The following TRAPPC9 variants were observed in gnomAD, a reference collection of about 807,000 sequenced individuals.
TRAPPC9 encodes trafficking protein particle complex subunit 9.
In TRAPPC9, 83 loss-of-function variants were observed where a neutral mutation model predicts 124.0. That is an observed-to-expected ratio of 0.67 (90% CI 0.56 to 0.80). TRAPPC9 has a LOEUF of 0.80. Among genes scored for constraint, TRAPPC9 ranks in the 30% least tolerant of loss-of-function variants. The pLI, the probability that TRAPPC9 is intolerant of heterozygous loss-of-function variation, is 0.00. For synonymous variants in TRAPPC9, 638 were observed against 617.5 expected (o/e 1.03, Z -0.49); for missense variants, 1,302 against 1,508.3 (o/e 0.86, Z 2.27).
intron 16 of TRAPPC9, among the ~76,000 whole-genome samples, chr8:140,236,453 A>G (rs904410235): frequency 7.9e-5 from 12 of 152,238 alleles, no homozygotes; most frequent in Non-Finnish European, 1.2e-4. Context: ...ATAATTGACA[A>G]TTATCTTTGT....
Position 139,857,335 on chromosome 8 carries a change from A to G in TRAPPC9, c.3055+28544T>C, listed in dbSNP as rs190266662. ...TTGCAGGGGAAGGCCTGTCCCATGGAGGCAAGGCGAGGCATAGCAATATTT... is the reference window on the plus strand; with the variant it reads ...TTGCAGGGGAAGGCCTGTCCCATGGGGGCAAGGCGAGGCATAGCAATATTT... On this transcript the variant is annotated intron_variant, in intron 21 of 22. Transcript: ENST00000438773. Among the ~76,000 whole-genome samples, 3 of 152,310 alleles carry G rather than the reference A, an allele frequency of 2.0e-5. No individual in the cohort carries two copies. In the East Asian group the frequency reaches 5.8e-4, roughly 29 times the overall value.
At chr8:139,972,277 C>T (rs1047666701) in intron 19 of TRAPPC9, among the ~76,000 whole-genome samples, 1 of 152,182 alleles carries the variant, frequency 6.6e-6, no homozygotes, top group Non-Finnish European at 1.5e-5. Flanking sequence ...TTATAAAATG[C>T]CCATGGCCCA....
intron 2 of TRAPPC9, among the ~76,000 whole-genome samples, chr8:140,445,606 G>A (rs1403230787): frequency 1.3e-5 from 2 of 152,188 alleles, no homozygotes; most frequent in African/African-American, 2.4e-5. Context: ...CACAACCCAG[G>A]GTTAAACCAG....
chr8:139,921,044 C>T (rs528343284), intron 19 of TRAPPC9, among the ~76,000 whole-genome samples: 1 of 152,318 alleles, frequency 6.6e-6, no homozygotes, highest in East Asian at 1.9e-4. Flanking sequence ...GGCCACCCTG[C>T]CAAGCAAGCG....
intron 7 of TRAPPC9, among the ~76,000 whole-genome samples, chr8:140,395,647 C>T (rs78698692): frequency 6.6e-6 from 1 of 152,218 alleles, no homozygotes; most frequent in South Asian, 2.1e-4. Flanking sequence ...GTAGTCAATG[C>T]GGCAACATTT....
At chr8:140,445,845 G>A (rs2071230994) in intron 2 of TRAPPC9, among the ~76,000 whole-genome samples, 1 of 152,244 alleles carries the variant, frequency 6.6e-6, no homozygotes, top group Admixed American at 6.5e-5. Context: ...GTGGCAGCAG[G>A]TCACAGAGCG....
intron 21 of TRAPPC9, among the ~76,000 whole-genome samples, chr8:139,791,704 C>A (rs937276706): frequency 1.3e-5 from 2 of 152,216 alleles, no homozygotes; most frequent in African/African-American, 2.4e-5. Flanking sequence ...ACAGTCAAGG[C>A]AGGGCAGCAT....
chr8:139,971,113 G>A lies in TRAPPC9; in HGVS notation c.2810+17613C>T, dbSNP rs367580703. 2.9e-3 allele frequency among the ~76,000 whole-genome samples: 439 copies of A among 151,982 alleles called. 3 individuals carry two copies. The highest frequency in any genetic ancestry group is 8.1e-3 in the African/African-American group (334 of 41,438). ...AGGCCCAGCCACTGCAACCCACCCCGAGATCAGCACCCAGGCTCCCGCCAG... is the reference window on the plus strand; with the variant it reads ...AGGCCCAGCCACTGCAACCCACCCCAAGATCAGCACCCAGGCTCCCGCCAG... On this transcript the variant is annotated intron_variant, in intron 19 of 22. Coordinates refer to ENST00000438773, the MANE Select transcript of TRAPPC9 (RefSeq NM_001160372.4).
At chr8:139,734,982 G>C (rs977561900) in intron 21 of TRAPPC9, among the ~76,000 whole-genome samples, 1 of 152,232 alleles carries the variant, frequency 6.6e-6, no homozygotes, top group Non-Finnish European at 1.5e-5. Flanking sequence ...CACCTGCACT[G>C]AGTCTGACCA....
intron 19 of TRAPPC9, among the ~76,000 whole-genome samples, chr8:139,956,033 G>A (rs898434757): frequency 3.9e-5 from 6 of 152,232 alleles, no homozygotes; most frequent in African/African-American, 1.2e-4. Context: ...GTTAGCACGC[G>A]GAGACCTGAC....
chr8:139,785,578 A>ACACACACAC, intron 21 of TRAPPC9, among the ~76,000 whole-genome samples: 4 of 148,966 alleles, frequency 2.7e-5, no homozygotes, highest in Non-Finnish European at 4.4e-5. Flanking sequence ...ACACACACAC[A>ACACACACAC]ATTAGCTGGG....
intron 17 of TRAPPC9, among the ~76,000 whole-genome samples, chr8:140,190,611 C>T (rs778792112): frequency 1.3e-5 from 2 of 152,194 alleles, no homozygotes; most frequent in Non-Finnish European, 2.9e-5. Context: ...CCAGATCTTA[C>T]TTGAGAAAAG....
intron 17 of TRAPPC9, among the ~76,000 whole-genome samples, chr8:140,132,467 G>C (rs1199414300): frequency 1.3e-5 from 2 of 152,086 alleles, no homozygotes; most frequent in African/African-American, 2.4e-5. Flanking sequence ...CATCTTCCCT[G>C]TTTCCACTGT....
chr8:139,940,517 T>C (rs1325267189), intron 19 of TRAPPC9, among the ~76,000 whole-genome samples: 3 of 152,228 alleles, frequency 2.0e-5, no homozygotes, highest in Admixed American at 6.5e-5. Flanking sequence ...AGCTAGAGTA[T>C]ATCTGCTCCC....
At chr8:140,436,507 T>C (rs1300493641) in intron 3 of TRAPPC9, among the ~76,000 whole-genome samples, 2 of 152,238 alleles carry the variant, frequency 1.3e-5, no homozygotes, top group Admixed American at 1.3e-4. Context: ...CAGCTGGATC[T>C]TCTATCAGCT....
intron 17 of TRAPPC9, among the ~76,000 whole-genome samples, chr8:140,165,750 A>C (rs948957727): frequency 1.1e-4 from 16 of 152,088 alleles, no homozygotes; most frequent in African/African-American, 3.6e-4. Flanking sequence ...GATTATCTGC[A>C]AGGCAGGAGC....
At chr8:140,118,257 G>C (rs970881763) in intron 17 of TRAPPC9, among the ~76,000 whole-genome samples, 2 of 152,202 alleles carry the variant, frequency 1.3e-5, no homozygotes, top group African/African-American at 4.8e-5. Context: ...GGAAGTTCAA[G>C]TAAGTCCAGC....
intron 17 of TRAPPC9, among the ~76,000 whole-genome samples, chr8:140,169,969 C>G (rs1206180939): frequency 6.6e-6 from 1 of 152,192 alleles, no homozygotes; most frequent in Non-Finnish European, 1.5e-5. Context: ...AACTCCTGGA[C>G]TCAAGAATTC....
chr8:139,814,643 G>T (rs116618559), intron 21 of TRAPPC9, among the ~76,000 whole-genome samples: 1,620 of 152,212 alleles, frequency 0.011, 33 homozygotes, highest in African/African-American at 0.036. Context: ...AAGTAGCAGG[G>T]CTAGAACCTG....
Sources: gnomAD v4.1 joint callset for allele counts (sites outside exome capture counted in the v4.1 genomes callset) on GRCh38, gnomAD v4.1.1 for gene constraint, MANE v1.5 for transcripts, NCBI Gene and HGNC (gene_info 2026-07-23, HGNC 2026-07-21) for gene names.